The following TXNDC12 variants were observed in gnomAD, a reference collection of about 807,000 sequenced individuals.
TXNDC12 encodes thioredoxin domain-containing protein 12.
In TXNDC12, 22 loss-of-function variants were observed where a neutral mutation model predicts 24.2. That is an observed-to-expected ratio of 0.91 (90% CI 0.65 to 1.30). The LOEUF (loss-of-function observed/expected upper bound fraction) is 1.30, where lower values mean the gene tolerates loss of function less well. Among genes scored for constraint, TXNDC12 ranks in the 50% most tolerant of loss-of-function variants. TXNDC12 has a pLI of 0.00. For missense variants in TXNDC12, 184 were observed against 205.8 expected (o/e 0.89, Z 0.65); for synonymous variants, 58 against 73.4 (o/e 0.79, Z 1.07).
chr1:52,049,336 T>C (rs1384826090), intron 1 of TXNDC12, among the ~76,000 whole-genome samples: 1 of 152,174 alleles, frequency 6.6e-6, no homozygotes, highest in Non-Finnish European at 1.5e-5. Flanking sequence ...CTGGGCGTGG[T>C]GGCTCAAGCC....
intron 2 of TXNDC12, chr1:52,033,217 G>A (rs1239914306): frequency 1.2e-6 from 2 of 1,614,172 alleles, no homozygotes; most frequent in Non-Finnish European, 1.7e-6. Context: ...TGGAGACTCC[G>A]CAGCCCCGGA....
At chr1:52,025,334 C>T (rs922582302) in intron 4 of TXNDC12, among the ~76,000 whole-genome samples, 3 of 152,060 alleles carry the variant, frequency 2.0e-5, no homozygotes, top group Non-Finnish European at 4.4e-5. Flanking sequence ...TCTTCTGCCT[C>T]AGCTGCCTGA....
chr1:52,024,058 G>A (rs1013647406), intron 5 of TXNDC12, among the ~76,000 whole-genome samples: 39 of 151,430 alleles, frequency 2.6e-4, no homozygotes, highest in Non-Finnish European at 5.4e-4. Flanking sequence ...GCAGTGGCGT[G>A]ATTATGGCTC....
At position 52,041,520 on chromosome 1, in the gene TXNDC12, A is replaced by G; in HGVS notation, c.158+17T>C. On this transcript the variant is annotated intron_variant, in intron 2 of 6. Transcript: ENST00000371626. ...AGTGTTTTACCACCATAAATGACCTAAAACCATGTCTTGTACCTGGCAGCT... is the reference window on the plus strand; with the variant it reads ...AGTGTTTTACCACCATAAATGACCTGAAACCATGTCTTGTACCTGGCAGCT... 1 of 1,598,186 alleles carries G rather than the reference A, an allele frequency of 6.3e-7. No homozygotes were observed.
At chr1:52,024,748 T>C (rs1685650003) in intron 4 of TXNDC12, 169 bp from the exon 5 acceptor site, 3 of 561,658 alleles carry the variant, frequency 5.3e-6, no homozygotes, top group Non-Finnish European at 9.6e-6. Flanking sequence ...TCCTACCCCT[T>C]GTTAAGTCCT....
At chr1:52,047,635 A>G (rs1415674610) in intron 1 of TXNDC12, among the ~76,000 whole-genome samples, 5 of 152,126 alleles carry the variant, frequency 3.3e-5, no homozygotes, top group East Asian at 1.9e-4. Flanking sequence ...GCCAGGCACA[A>G]TGTGCACCTG....
chr1:52,046,716 T>C, intron 1 of TXNDC12, among the ~76,000 whole-genome samples: 1 of 150,470 alleles, frequency 6.6e-6, no homozygotes, highest in Non-Finnish European at 1.5e-5. Flanking sequence ...ACCCCATCTC[T>C]ACTAAAAATA....
chr1:52,029,488 G>A (rs747600368), intron 2 of TXNDC12, among the ~76,000 whole-genome samples: 2 of 152,150 alleles, frequency 1.3e-5, no homozygotes, highest in African/African-American at 2.4e-5. Context: ...AATGACAGTA[G>A]GAAGACCCCA....
chr1:52,032,469 G>T, intron 2 of TXNDC12: 1 of 1,311,136 alleles, frequency 7.6e-7, no homozygotes. Context: ...GTCCTCTGAG[G>T]GATTTGCCAG....
intron 1 of TXNDC12, 140 bp from the exon 2 acceptor site, chr1:52,041,737 A>C: frequency 1.8e-6 from 1 of 545,800 alleles, no homozygotes; most frequent in Non-Finnish European, 3.2e-6. Context: ...CAGCTCCACC[A>C]CCTTCTAGGT....
At position 52,032,142 on chromosome 1, in the gene TXNDC12, G is replaced by C; in HGVS notation, c.159-3512C>G. 4 of 966,804 alleles carry C rather than the reference G, an allele frequency of 4.1e-6. No homozygotes were observed. The South Asian group carries it at 1.9e-4, about 46-fold the overall frequency. The allele number at this position is 966,804 out of a possible 1,614,324, so 59.9% of individuals were successfully genotyped here. A position where few individuals can be genotyped will look rare whatever the true frequency, so the allele number is the denominator to read the frequency against. On this transcript the variant is annotated intron_variant, in intron 2 of 6. Coordinates refer to ENST00000371626, the MANE Select transcript of TXNDC12 (RefSeq NM_015913.4). ...AGATTTTATTAGAGGAAATAATCTAGTAGATAACTTTCTTACTTCCACAAA... is the reference window on the plus strand; with the variant it reads ...AGATTTTATTAGAGGAAATAATCTACTAGATAACTTTCTTACTTCCACAAA...
intron 1 of TXNDC12, among the ~76,000 whole-genome samples, chr1:52,043,229 A>G (rs1357635230): frequency 6.6e-6 from 1 of 152,158 alleles, no homozygotes. Flanking sequence ...AAAGCACCCT[A>G]TTCTTACCCC....
At chr1:52,046,327 T>C (rs189321466) in intron 1 of TXNDC12, among the ~76,000 whole-genome samples, 1 of 152,144 alleles carries the variant, frequency 6.6e-6, no homozygotes, top group African/African-American at 2.4e-5. Flanking sequence ...GAGATGATAG[T>C]GGACTGGACC....
chr1:52,054,954 C>A (rs1300048104), intron 1 of TXNDC12, 46 bp downstream of exon 1: 2 of 1,390,050 alleles, frequency 1.4e-6, no homozygotes, highest in Non-Finnish European at 2.0e-6. Flanking sequence ...ATACTGGGAT[C>A]AGTATAGTAA....
chr1:52,036,891 C>A (rs1019429706), intron 2 of TXNDC12, among the ~76,000 whole-genome samples: 6 of 152,150 alleles, frequency 3.9e-5, no homozygotes, highest in African/African-American at 1.4e-4. Flanking sequence ...TTTGCCATAT[C>A]CACAATCTCT....
At chr1:52,043,560 C>T (rs1686034776) in intron 1 of TXNDC12, among the ~76,000 whole-genome samples, 2 of 152,068 alleles carry the variant, frequency 1.3e-5, no homozygotes, top group Non-Finnish European at 2.9e-5. Flanking sequence ...TGCTTGTTTT[C>T]TCATCTTTAA....
chr1:52,025,730 T>A (rs1361819915), intron 4 of TXNDC12, among the ~76,000 whole-genome samples: 1 of 151,796 alleles, frequency 6.6e-6, no homozygotes, highest in Non-Finnish European at 1.5e-5. Context: ...ATTCAGGCTA[T>A]CCCCTAGCTA....
intron 2 of TXNDC12, chr1:52,033,648 T>C (rs1468770073): frequency 4.3e-6 from 7 of 1,611,512 alleles, no homozygotes; most frequent in South Asian, 2.2e-5. Context: ...CCAGGACAGC[T>C]GCGTCGTCCA....
intron 3 of TXNDC12, 29 bp downstream of exon 3, chr1:52,028,549 T>C: frequency 6.3e-7 from 1 of 1,592,708 alleles, no homozygotes; most frequent in South Asian, 1.1e-5. Flanking sequence ...CATCTGAGTT[T>C]TGAATTTAGA....
Sources: allele counts gnomAD v4.1 joint callset (sites outside exome capture counted in the v4.1 genomes callset), GRCh38; gene constraint gnomAD v4.1.1; transcripts MANE v1.5; gene names NCBI Gene and HGNC (gene_info 2026-07-23, HGNC 2026-07-21).